The following EXOC6B variants were observed in gnomAD, a reference collection of about 807,000 sequenced individuals.
The protein encoded by EXOC6B is SEC15 homolog B.
A neutral mutation model predicts 113.5 loss-of-function variants in EXOC6B; 54 were observed. That is an observed-to-expected ratio of 0.48 (90% CI 0.38 to 0.60). The LOEUF (loss-of-function observed/expected upper bound fraction) is 0.60, where lower values mean the gene tolerates loss of function less well. Among genes scored for constraint, EXOC6B ranks in the 20% least tolerant of loss-of-function variants. EXOC6B has a pLI of 0.00. For synonymous variants in EXOC6B, 357 were observed against 339.0 expected (o/e 1.05, Z -0.58); for missense variants, 797 against 977.5 (o/e 0.82, Z 2.46).
At chr2:72,297,833 T>A (rs1161140131) in intron 20 of EXOC6B, among the ~76,000 whole-genome samples, 1 of 152,194 alleles carries the variant, frequency 6.6e-6, no homozygotes, top group African/African-American at 2.4e-5. Context: ...GAGTTCTAAT[T>A]TGATTGCACT....
chr2:72,769,112 G>A (rs1280560559), intron 1 of EXOC6B, among the ~76,000 whole-genome samples: 1 of 145,412 alleles, frequency 6.9e-6, no homozygotes, highest in Non-Finnish European at 1.6e-5. Context: ...TAAAGTATAT[G>A]TTATGTATAT....
chr2:72,604,696 C>T (rs957374255), intron 6 of EXOC6B, among the ~76,000 whole-genome samples: 7 of 152,106 alleles, frequency 4.6e-5, no homozygotes, highest in African/African-American at 1.7e-4. Flanking sequence ...CACATCCAAA[C>T]CAGCTTATAT....
intron 6 of EXOC6B, among the ~76,000 whole-genome samples, chr2:72,715,403 C>T (rs1177104133): frequency 6.7e-6 from 1 of 148,862 alleles, no homozygotes; most frequent in Admixed American, 6.7e-5. Flanking sequence ...TTCCCAGCAT[C>T]TACTTCAGAA....
intron 20 of EXOC6B, among the ~76,000 whole-genome samples, chr2:72,222,579 C>T (rs1293399810): frequency 6.6e-6 from 1 of 152,120 alleles, no homozygotes; most frequent in Non-Finnish European, 1.5e-5. Flanking sequence ...GGAGAGAGCA[C>T]ATAACCTTTC....
At chr2:72,588,049 G>A (rs1705701232) in intron 6 of EXOC6B, among the ~76,000 whole-genome samples, 2 of 152,056 alleles carry the variant, frequency 1.3e-5, no homozygotes, top group African/African-American at 2.4e-5. Flanking sequence ...AGCAAGGATG[G>A]GGATAAACTG....
chr2:72,386,859 A>G (rs1692058652), intron 18 of EXOC6B, among the ~76,000 whole-genome samples: 1 of 152,192 alleles, frequency 6.6e-6, no homozygotes. Flanking sequence ...AATAAATGTA[A>G]TGTAATTTAA....
intron 18 of EXOC6B, among the ~76,000 whole-genome samples, chr2:72,425,639 T>C (rs1695162103): frequency 6.6e-6 from 1 of 152,156 alleles, no homozygotes; most frequent in Admixed American, 6.5e-5. Flanking sequence ...CAAATTATTA[T>C]TTACCTTTTA....
intron 5 of EXOC6B, among the ~76,000 whole-genome samples, chr2:72,730,119 A>C (rs1035897007): frequency 3.3e-5 from 5 of 152,146 alleles, no homozygotes; most frequent in Non-Finnish European, 7.4e-5. Context: ...GAGTCACTGT[A>C]GATTTTCCTT....
intron 8 of EXOC6B, among the ~76,000 whole-genome samples, chr2:72,522,651 C>A (rs1365195235): frequency 6.6e-6 from 1 of 152,122 alleles, no homozygotes; most frequent in Non-Finnish European, 1.5e-5. Context: ...GTTTTCCCAA[C>A]TCTATTTTAA....
At chr2:72,446,768 T>G (rs1031385033) in intron 18 of EXOC6B, among the ~76,000 whole-genome samples, 2 of 152,104 alleles carry the variant, frequency 1.3e-5, no homozygotes, top group Non-Finnish European at 2.9e-5. Context: ...CCCCCAAACT[T>G]AAAATAAACG....
chr2:72,721,390 G>GAAAAAAAAAA (rs1679996399), intron 5 of EXOC6B, among the ~76,000 whole-genome samples: 1 of 52,036 alleles, frequency 1.9e-5, no homozygotes, highest in African/African-American at 8.6e-5. Flanking sequence ...AAAAAAAAAT[G>GAAAAAAAAAA]AACAAAGAAA....
intron 6 of EXOC6B, among the ~76,000 whole-genome samples, chr2:72,578,915 A>G (rs1032966977): frequency 6.6e-6 from 1 of 152,280 alleles, no homozygotes; most frequent in Admixed American, 6.5e-5. Flanking sequence ...TAAAGATGCT[A>G]TATAAAGCAG....
chr2:72,502,777 T>C (rs557594378), intron 11 of EXOC6B, among the ~76,000 whole-genome samples: 1 of 152,220 alleles, frequency 6.6e-6, no homozygotes, highest in African/African-American at 2.4e-5. Flanking sequence ...ATTACTACAG[T>C]CCCTTCTTTC....
At chr2:72,236,561 A>T (rs1033061094) in intron 20 of EXOC6B, among the ~76,000 whole-genome samples, 2 of 152,162 alleles carry the variant, frequency 1.3e-5, no homozygotes, top group African/African-American at 4.8e-5. Context: ...ATTTCTTGGA[A>T]ACTTCATGCT....
intron 6 of EXOC6B, among the ~76,000 whole-genome samples, chr2:72,612,952 A>C (rs1420143845): frequency 1.3e-5 from 2 of 152,236 alleles, no homozygotes; most frequent in Non-Finnish European, 2.9e-5. Context: ...TCATGCAGCT[A>C]GCTCAGTAGC....
rs370145650 is a variant in EXOC6B at position 72,492,373 on chromosome 2, G to C, written c.1610C>G (p.Thr537Ser). 5 of 1,613,012 alleles carry C rather than the reference G, an allele frequency of 3.1e-6. No individual in the cohort carries two copies. The highest frequency in any genetic ancestry group is 4.2e-6 in the Non-Finnish European group (5 of 1,179,188). ...TACATTCTGCAGAGAGTTGCTCAGAGTCCTGGTTAGCAACAGGTTTGTTGA... is the reference window on the plus strand; with the variant it reads ...TACATTCTGCAGAGAGTTGCTCAGACTCCTGGTTAGCAACAGGTTTGTTGA... The part of the protein sequence containing the change: ...RKSTNLLLTR[T>S]LSNSLQNVIK... Residue 537 changes from threonine (T) to serine (S), a missense_variant, in exon 16 of 22, where the codon ACT (threonine) becomes AGT (serine). Transcript: ENST00000272427.
At chr2:72,512,146 G>A (rs1700938190) in intron 11 of EXOC6B, among the ~76,000 whole-genome samples, 1 of 151,930 alleles carries the variant, frequency 6.6e-6, no homozygotes, top group African/African-American at 2.4e-5. Flanking sequence ...TTCCTAATCT[G>A]TCATTCTATT....
At chr2:72,806,915 G>A (rs1319277793) in intron 1 of EXOC6B, among the ~76,000 whole-genome samples, 3 of 152,144 alleles carry the variant, frequency 2.0e-5, no homozygotes, top group Non-Finnish European at 4.4e-5. Context: ...TTATAGGCTG[G>A]ATATTAGACC....
At chr2:72,503,039 A>G (rs1248213482) in intron 11 of EXOC6B, among the ~76,000 whole-genome samples, 1 of 152,040 alleles carries the variant, frequency 6.6e-6, no homozygotes, top group Non-Finnish European at 1.5e-5. Context: ...GATTCATACC[A>G]TCCTTTGGCT....
Sources: gnomAD v4.1 joint callset for allele counts (sites outside exome capture counted in the v4.1 genomes callset) on GRCh38, gnomAD v4.1.1 for gene constraint, MANE v1.5 for transcripts, NCBI Gene and HGNC (gene_info 2026-07-23, HGNC 2026-07-21) for gene names.